The following GRIP1 variants were observed in gnomAD, a reference collection of about 807,000 sequenced individuals.
GRIP1 encodes the protein glutamate receptor interacting protein 1, also known as glutamate receptor-interacting protein 1.
GRIP1 carries 45 observed loss-of-function variants against 129.9 expected under a neutral mutation model. That is an observed-to-expected ratio of 0.35 (90% CI 0.27 to 0.44). The LOEUF is 0.44. GRIP1 is among the 20% of genes least tolerant of loss of function. GRIP1 has a pLI of 1.00. For missense variants in GRIP1, 1,196 were observed against 1,396.8 expected (o/e 0.86, Z 2.29); for synonymous variants, 530 against 520.8 (o/e 1.02, Z -0.24).
chr12:66,888,898 A>C (rs891446613), intron 1 of GRIP1, among the ~76,000 whole-genome samples: 4 of 152,262 alleles, frequency 2.6e-5, no homozygotes, highest in Admixed American at 2.6e-4. Flanking sequence ...AAATCTGAGT[A>C]AGAGTGCCCT....
intron 1 of GRIP1, among the ~76,000 whole-genome samples, chr12:66,688,646 A>G (rs546988288): frequency 1.8e-4 from 28 of 152,194 alleles, no homozygotes; most frequent in Admixed American, 3.9e-4. Context: ...AAAACCCAGA[A>G]GGGTCCTTTT....
chr12:66,807,403 G>A (rs1269629931), upstream of GRIP1, among the ~76,000 whole-genome samples: 6 of 152,054 alleles, frequency 3.9e-5, no homozygotes, highest in Middle Eastern at 3.2e-3. Flanking sequence ...GCCAGGCGCG[G>A]TGGCTCACGC....
At chr12:66,831,960 G>A (rs2137020020) in intron 1 of GRIP1, among the ~76,000 whole-genome samples, 1 of 152,180 alleles carries the variant, frequency 6.6e-6, no homozygotes, top group Non-Finnish European at 1.5e-5. Context: ...TTATAGATTT[G>A]ACTTATAAGT....
At chr12:66,492,400 T>A (rs1042498067) in intron 7 of GRIP1, among the ~76,000 whole-genome samples, 3 of 151,978 alleles carry the variant, frequency 2.0e-5, no homozygotes, top group Non-Finnish European at 4.4e-5. Context: ...TGGGACTAGA[T>A]TTTTTTTAAT....
intron 1 of GRIP1, among the ~76,000 whole-genome samples, chr12:66,618,568 T>C (rs1302168721): frequency 6.6e-6 from 1 of 152,132 alleles, no homozygotes; most frequent in Admixed American, 6.6e-5. Context: ...TAGGATGTCA[T>C]AATTTCTGAA....
At chr12:66,583,243 C>T (rs1289860699) in intron 2 of GRIP1, among the ~76,000 whole-genome samples, 44 of 149,478 alleles carry the variant, frequency 2.9e-4, no homozygotes, top group South Asian at 1.1e-3. Flanking sequence ...TTACACCTTA[C>T]ACAAAAATTA....
chr12:66,891,338 C>T (rs550415924), intron 1 of GRIP1, among the ~76,000 whole-genome samples: 20 of 152,232 alleles, frequency 1.3e-4, no homozygotes, highest in Non-Finnish European at 2.1e-4. Context: ...TCAAGTTTTG[C>T]GTATCAAGAA....
At chr12:67,055,987 G>A (rs1172702098) in intron 1 of GRIP1, among the ~76,000 whole-genome samples, 2 of 152,156 alleles carry the variant, frequency 1.3e-5, no homozygotes, top group Non-Finnish European at 2.9e-5. Context: ...GGGGAGCTAA[G>A]TTTCAGTTAC....
At chr12:67,006,568 C>T (rs917142954) in intron 1 of GRIP1, among the ~76,000 whole-genome samples, 50 of 152,034 alleles carry the variant, frequency 3.3e-4, no homozygotes, top group African/African-American at 1.2e-3. Flanking sequence ...GCCTAGGCAA[C>T]AAAGCGAGAT....
intron 1 of GRIP1, among the ~76,000 whole-genome samples, chr12:66,796,764 A>G (rs908185200): frequency 1.3e-5 from 2 of 152,156 alleles, no homozygotes; most frequent in African/African-American, 4.8e-5. Flanking sequence ...CTTACCACAA[A>G]TACAATCTTC....
intron 1 of GRIP1, among the ~76,000 whole-genome samples, chr12:66,769,009 T>A (rs1437651077): frequency 2.0e-5 from 3 of 152,156 alleles, no homozygotes; most frequent in African/African-American, 7.2e-5. Flanking sequence ...GCCTCCCTAA[T>A]CCAGTAGGTC....
At chr12:66,412,422 ATATAAATGCTGAGGGAATTCATCAC>A (rs1046246811) in intron 15 of GRIP1, among the ~76,000 whole-genome samples, 4 of 152,222 alleles carry the variant, frequency 2.6e-5, no homozygotes, top group African/African-American at 9.6e-5. Context: ...CTTTTCGGAC[ATATAAATGCTGAGGGAATTCATCAC>A]TATCAGGCCT....
intron 1 of GRIP1, among the ~76,000 whole-genome samples, chr12:66,821,380 C>A (rs1156553424): frequency 1.3e-5 from 2 of 152,116 alleles, no homozygotes; most frequent in African/African-American, 4.8e-5. Flanking sequence ...GACTAAAGAT[C>A]TTCATAACTG....
chr12:66,490,884 G>A (rs912901514), intron 7 of GRIP1, among the ~76,000 whole-genome samples: 5 of 152,266 alleles, frequency 3.3e-5, no homozygotes, highest in Non-Finnish European at 7.4e-5. Flanking sequence ...GATCATTAGA[G>A]AAATGCAAAT....
At chr12:66,686,553 C>A (rs1362947158) in intron 1 of GRIP1, among the ~76,000 whole-genome samples, 3 of 152,224 alleles carry the variant, frequency 2.0e-5, no homozygotes, top group Non-Finnish European at 4.4e-5. Context: ...ACAACAACCT[C>A]CAAACTAACC....
intron 2 of GRIP1, among the ~76,000 whole-genome samples, chr12:66,565,305 G>T (rs1349086235): frequency 6.6e-6 from 1 of 152,150 alleles, no homozygotes; most frequent in Non-Finnish European, 1.5e-5. Flanking sequence ...TTTGTATAAG[G>T]TGTAAGGAAG....
chr12:66,796,121 A>T (rs1191702631), intron 1 of GRIP1, among the ~76,000 whole-genome samples: 1 of 152,114 alleles, frequency 6.6e-6, no homozygotes, highest in African/African-American at 2.4e-5. Context: ...TTGCAATAGT[A>T]TACTAACAGA....
intron 13 of GRIP1, among the ~76,000 whole-genome samples, chr12:66,435,407 T>G (rs1362434910): frequency 2.0e-5 from 3 of 152,188 alleles, no homozygotes; most frequent in Admixed American, 2.0e-4. Flanking sequence ...TTCCGCCATG[T>G]TGCCTAGGCT....
intron 7 of GRIP1, among the ~76,000 whole-genome samples, chr12:66,476,091 G>A (rs1427634684): frequency 1.3e-5 from 2 of 152,002 alleles, no homozygotes; most frequent in Admixed American, 1.3e-4. Context: ...CTGGTTTTTT[G>A]AAAAGATCAA....
Sources: gnomAD v4.1 joint callset for allele counts (sites outside exome capture counted in the v4.1 genomes callset) on GRCh38, gnomAD v4.1.1 for gene constraint, MANE v1.5 for transcripts, NCBI Gene and HGNC (gene_info 2026-07-23, HGNC 2026-07-21) for gene names.